SPAG16: variants seen among roughly 807,000 people sequenced by gnomAD.
SPAG16 encodes sperm-associated antigen 16 protein.
SPAG16 carries 86 observed loss-of-function variants against 80.4 expected under a neutral mutation model. That is an observed-to-expected ratio of 1.07 (90% CI 0.90 to 1.28). SPAG16 has a LOEUF of 1.28. Ranked by LOEUF, SPAG16 falls within the 50% of genes most tolerant of loss-of-function variation. The probability of loss-of-function intolerance (pLI) is 0.00; values close to 1 mark genes in which losing one functional copy is unlikely to be tolerated. For synonymous variants in SPAG16, 294 were observed against 265.9 expected, an observed-to-expected ratio of 1.11 and a Z score of -1.03; for missense variants, 870 against 765.3, an observed-to-expected ratio of 1.14 and a Z score of -1.61.
intron 9 of SPAG16, among the ~76,000 whole-genome samples, chr2:213,401,633 T>C (rs76958000): frequency 5.9e-4 from 90 of 152,304 alleles, no homozygotes; most frequent in Non-Finnish European, 7.9e-4. Flanking sequence ...CTGTAATATG[T>C]TTAGTTGATG....
At chr2:213,285,750 C>G in intron 1 of SPAG16, 1 of 475,714 alleles carries the variant, frequency 2.1e-6, no homozygotes, top group South Asian at 2.0e-5. Context: ...ATTTGAATCG[C>G]TTGAAATGAA....
chr2:213,590,548 C>G (rs1007288412), intron 10 of SPAG16, among the ~76,000 whole-genome samples: 12 of 151,944 alleles, frequency 7.9e-5, no homozygotes, highest in Admixed American at 5.9e-4. Context: ...TTATGAAACA[C>G]TAGCATCATC....
chr2:214,268,240 T>C (rs1486972327), intron 15 of SPAG16, among the ~76,000 whole-genome samples: 1 of 151,876 alleles, frequency 6.6e-6, no homozygotes, highest in African/African-American at 2.4e-5. Flanking sequence ...AATACAGCCA[T>C]TTTGGAAAAC....
intron 10 of SPAG16, among the ~76,000 whole-genome samples, chr2:213,835,064 G>A (rs2073999732): frequency 6.6e-6 from 1 of 152,056 alleles, no homozygotes; most frequent in Non-Finnish European, 1.5e-5. Flanking sequence ...GAATATTTGG[G>A]GGAGTTTCTT....
At chr2:214,226,119 A>G (rs146874672) in intron 15 of SPAG16, among the ~76,000 whole-genome samples, 2 of 152,262 alleles carry the variant, frequency 1.3e-5, no homozygotes, top group South Asian at 2.1e-4. Context: ...AGCTTAAAAC[A>G]TGAAGCACTT....
chr2:213,429,124 G>T (rs2070131788), intron 9 of SPAG16, among the ~76,000 whole-genome samples: 1 of 151,584 alleles, frequency 6.6e-6, no homozygotes, highest in South Asian at 2.1e-4. Context: ...GAGAGAGGTG[G>T]GTCCTATATT....
Position 213,930,080 on chromosome 2 carries a change from C to A in SPAG16, c.1335C>A (p.His445Gln). The change falls in exon 12 of 16, where the codon CAC (histidine) becomes CAA (glutamine). Residue 445 changes from histidine to glutamine, a missense_variant. Transcript: ENST00000331683. ...GCGCAGTGTGGTCCTGCACATGGCA[C>A]TCCTGCGGCAATTTTGTGGCTTCCT... ...HSRAVWSCTW[H>Q]SCGNFVASSS... 1 of 1,614,030 alleles carries A rather than the reference C, an allele frequency of 6.2e-7. No individual in the cohort carries two copies. The highest frequency in any genetic ancestry group is 8.5e-7 in the Non-Finnish European group (1 of 1,179,964).
At chr2:214,245,799 T>A (rs139969945) in intron 15 of SPAG16, among the ~76,000 whole-genome samples, 1 of 152,316 alleles carries the variant, frequency 6.6e-6, no homozygotes, top group East Asian at 1.9e-4. Flanking sequence ...ACATTTGCAC[T>A]GTTTTATTGG....
rs1267223221 is a variant in SPAG16 at position 213,777,551 on chromosome 2, G to A, written c.1071-84934G>A. 2.0e-5 allele frequency among the ~76,000 whole-genome samples: 3 copies of A among 151,970 alleles called. No homozygotes were observed. In the South Asian group the frequency reaches 6.2e-4, roughly 32 times the overall value. ...CCTCCCCAGCAGCTGGATTACAGGC[G>A]CCCGCCTCCACGCCTGGCTAATTTT... On this transcript the variant is annotated intron_variant, in intron 10 of 15. Coordinates refer to ENST00000331683, the MANE Select transcript of SPAG16 (RefSeq NM_024532.5).
At position 214,330,201 on chromosome 2, in the gene SPAG16, C is replaced by T. The variant is rs138788445; in HGVS notation, c.1721-79939C>T. 8.1e-3 allele frequency among the ~76,000 whole-genome samples: 1,217 copies of T among 150,706 alleles called. 19 individuals are homozygous for T. The highest frequency in any genetic ancestry group is 0.028 in the African/African-American group (1,157 of 41,090). On this transcript the variant is annotated intron_variant, in intron 15 of 15. Transcript: ENST00000331683. ...CTGAGGCAGGAGAATAGCTTGAACC[C>T]GGGAGGTGGAGGTGGCAGTGAGCCG...
intron 15 of SPAG16, among the ~76,000 whole-genome samples, chr2:214,155,610 A>G (rs2056179167): frequency 6.6e-6 from 1 of 152,118 alleles, no homozygotes; most frequent in African/African-American, 2.4e-5. Flanking sequence ...GAAGCTAGGA[A>G]GACAGACACG....
chr2:214,114,218 C>G (rs1376686739), intron 14 of SPAG16, among the ~76,000 whole-genome samples: 1 of 152,154 alleles, frequency 6.6e-6, no homozygotes, highest in African/African-American at 2.4e-5. Context: ...TAGAGGGGCA[C>G]CCGCCTGTAT....
At chr2:213,606,997 G>A (rs1397766477) in intron 10 of SPAG16, among the ~76,000 whole-genome samples, 1 of 152,230 alleles carries the variant, frequency 6.6e-6, no homozygotes, top group Admixed American at 6.5e-5. Context: ...ACGTAATAGA[G>A]TAGAAATCAG....
intron 1 of SPAG16, chr2:213,286,062 A>T: frequency 2.0e-6 from 1 of 493,522 alleles, no homozygotes. Context: ...ACATAACACA[A>T]CTTTCAGCAA....
intron 10 of SPAG16, among the ~76,000 whole-genome samples, chr2:213,767,849 A>G (rs1469729715): frequency 1.3e-5 from 2 of 152,170 alleles, no homozygotes; most frequent in Non-Finnish European, 2.9e-5. Context: ...GATGGCTTTG[A>G]GTGATAAAAT....
At chr2:213,808,464 G>A (rs186269615) in intron 10 of SPAG16, among the ~76,000 whole-genome samples, 12 of 152,244 alleles carry the variant, frequency 7.9e-5, no homozygotes, top group African/African-American at 2.2e-4. Context: ...AGGAGGATGA[G>A]CTCAATTTCT....
chr2:213,366,767 TG>T, intron 8 of SPAG16, among the ~76,000 whole-genome samples: 1 of 152,226 alleles, frequency 6.6e-6, no homozygotes, highest in East Asian at 1.9e-4. Context: ...AAGCAAAATG[TG>T]GTTTTTACAT....
chr2:213,900,016 C>A (rs2077154460), intron 11 of SPAG16, among the ~76,000 whole-genome samples: 1 of 152,084 alleles, frequency 6.6e-6, no homozygotes, highest in Non-Finnish European at 1.5e-5. Context: ...CATATTTAGT[C>A]AGAGACTACA....
At chr2:214,244,983 C>A (rs1039126755) in intron 15 of SPAG16, among the ~76,000 whole-genome samples, 6 of 152,076 alleles carry the variant, frequency 3.9e-5, no homozygotes, top group Admixed American at 1.3e-4. Context: ...CATTTCCAAA[C>A]CTTTTACTAT....
Sources: gnomAD v4.1 joint callset for allele counts (sites outside exome capture counted in the v4.1 genomes callset) on GRCh38, gnomAD v4.1.1 for gene constraint, MANE v1.5 for transcripts, NCBI Gene and HGNC (gene_info 2026-07-23, HGNC 2026-07-21) for gene names.